The following VPS50 variants were observed in gnomAD, a reference collection of about 807,000 sequenced individuals.
VPS50 encodes the protein syndetin.
In VPS50, 70 loss-of-function variants were observed where a neutral mutation model predicts 139.7. The observed-to-expected ratio is 0.50, with a 90% CI of 0.41 to 0.61. VPS50 has a LOEUF of 0.61. VPS50 is among the 20% of genes least tolerant of loss of function. VPS50 has a pLI of 0.00. For missense variants in VPS50, 921 were observed against 1,133.7 expected, an observed-to-expected ratio of 0.81 and a Z score of 2.69; for synonymous variants, 365 against 376.7, an observed-to-expected ratio of 0.97 and a Z score of 0.36.
Position 93,270,142 on chromosome 7 carries a change from G to C in VPS50, c.660-1078G>C, listed in dbSNP as rs888668144. 2.7e-5 allele frequency among the ~76,000 whole-genome samples: 4 copies of C among 150,290 alleles called. 1 individual carries two copies. In the East Asian group the frequency reaches 7.8e-4, roughly 29 times the overall value. Reference sequence around the variant, plus strand: ...TTGATTTTTTTTTTTTACTGACCTCGTAAGAATTAAAGGGGGAAAAATCTA... The same window carrying C: ...TTGATTTTTTTTTTTTACTGACCTCCTAAGAATTAAAGGGGGAAAAATCTA... On this transcript the variant is annotated intron_variant, in intron 9 of 27. Transcript: ENST00000305866.
At chr7:93,271,093 C>T (rs920659743) in intron 9 of VPS50, 127 bp from the exon 10 acceptor site, 6 of 1,359,978 alleles carry the variant, frequency 4.4e-6, no homozygotes, top group Non-Finnish European at 3.8e-6. Flanking sequence ...TAGAATTCAG[C>T]AGCATGTCTT....
chr7:93,348,836 A>G (rs764150182), intron 24 of VPS50, 29 bp downstream of exon 24: 1 of 1,410,770 alleles, frequency 7.1e-7, no homozygotes, highest in Non-Finnish European at 1.0e-6. Context: ...TGTCATTTCA[A>G]CTGTGAGGAA....
intron 12 of VPS50, among the ~76,000 whole-genome samples, chr7:93,290,788 G>A (rs1380259737): frequency 1.3e-5 from 2 of 151,962 alleles, no homozygotes; most frequent in Non-Finnish European, 2.9e-5. Context: ...TGAGTTTAGA[G>A]GGAGAGATCA....
intron 12 of VPS50, among the ~76,000 whole-genome samples, chr7:93,282,136 GGAGCTTGCCGTGAGCT>G: frequency 6.6e-6 from 1 of 151,994 alleles, no homozygotes; most frequent in Non-Finnish European, 1.5e-5. Context: ...CCCTGGAGGC[GGAGCTTGCCGTGAGCT>G]GAGATTGCGC....
chr7:93,270,466 G>T (rs2116878422), intron 9 of VPS50, among the ~76,000 whole-genome samples: 1 of 151,980 alleles, frequency 6.6e-6, no homozygotes, highest in African/African-American at 2.4e-5. Flanking sequence ...ATTGCTATAG[G>T]ATTTTATTTT....
intron 16 of VPS50, among the ~76,000 whole-genome samples, chr7:93,300,796 A>G (rs1196381215): frequency 2.0e-5 from 3 of 151,688 alleles, no homozygotes; most frequent in Non-Finnish European, 2.9e-5. Context: ...AACTGAGAAA[A>G]ATATATATAA....
At chr7:93,356,422 C>T (rs983407480) in intron 27 of VPS50, among the ~76,000 whole-genome samples, 1 of 152,080 alleles carries the variant, frequency 6.6e-6, no homozygotes, top group East Asian at 1.9e-4. Context: ...AATACAGAAA[C>T]AATGAAATGA....
chr7:93,333,477 C>G (rs193020577), intron 21 of VPS50, among the ~76,000 whole-genome samples: 2 of 152,206 alleles, frequency 1.3e-5, no homozygotes, highest in East Asian at 3.9e-4. Flanking sequence ...ATGATTACCT[C>G]TAAATTAAAT....
At chr7:93,309,060 C>A in intron 19 of VPS50, 118 bp downstream of exon 19, 3 of 462,296 alleles carry the variant, frequency 6.5e-6, no homozygotes, top group Non-Finnish European at 7.7e-6. Flanking sequence ...ATAATGTCAC[C>A]TGACAGAAGT....
intron 23 of VPS50, among the ~76,000 whole-genome samples, chr7:93,347,120 A>G (rs569397231): frequency 2.0e-5 from 3 of 148,676 alleles, no homozygotes; most frequent in Non-Finnish European, 4.4e-5. Context: ...AACTCAAACA[A>G]GTTTGCAAGA....
chr7:93,305,486 T>G (rs1797088876), intron 17 of VPS50, among the ~76,000 whole-genome samples: 1 of 151,908 alleles, frequency 6.6e-6, no homozygotes. Flanking sequence ...CTTTATTGAT[T>G]AGGATTTTTG....
chr7:93,242,545 A>G (rs1462114806), intron 2 of VPS50, among the ~76,000 whole-genome samples: 1 of 151,930 alleles, frequency 6.6e-6, no homozygotes, highest in Non-Finnish European at 1.5e-5. Context: ...CAAGGTACCC[A>G]TTAGTTTTGC....
chr7:93,323,588 T>A, intron 20 of VPS50, 23 bp from the exon 21 acceptor site: 1 of 1,106,016 alleles, frequency 9.0e-7, no homozygotes, highest in Non-Finnish European at 1.2e-6. Context: ...TCTGCTTAAT[T>A]TTTTATTCTT....
intron 20 of VPS50, among the ~76,000 whole-genome samples, chr7:93,315,305 C>G (rs1797393058): frequency 6.6e-6 from 1 of 152,152 alleles, no homozygotes; most frequent in African/African-American, 2.4e-5. Flanking sequence ...ACATCTTCTA[C>G]TTTTCAACAT....
Position 93,355,921 on chromosome 7 carries a change from G to A in VPS50, c.2616G>A (p.Glu872=). The change falls in exon 27 of 28, where the codon GAG becomes GAA. Residue 872 remains glutamate, a synonymous_variant. Coordinates refer to ENST00000305866, the MANE Select transcript of VPS50 (RefSeq NM_017667.4). ...CCAATGTCAAGAAATGCAGTAATGA[G>A]GGTCGTGCCCTGATGCAATTGGATT... The part of the protein sequence containing the change: ...GYANVKKCSN[E]GRALMQLDFQ... 1 of 1,594,380 alleles carries A rather than the reference G, an allele frequency of 6.3e-7. No individual in the cohort carries two copies. Among genetic ancestry groups the A allele is most frequent in the Non-Finnish European group, 8.6e-7 (1 of 1,166,482 alleles).
intron 16 of VPS50, among the ~76,000 whole-genome samples, chr7:93,301,234 T>A (rs1584444882): frequency 6.6e-6 from 1 of 151,666 alleles, no homozygotes; most frequent in African/African-American, 2.4e-5. Context: ...GCGGCAGAGG[T>A]TGCAGTGAGC....
intron 12 of VPS50, among the ~76,000 whole-genome samples, chr7:93,280,308 T>A (rs1796285441): frequency 6.6e-6 from 1 of 152,172 alleles, no homozygotes; most frequent in African/African-American, 2.4e-5. Flanking sequence ...GGTTTACTGC[T>A]TTTACACTAG....
chr7:93,246,526 T>C (rs1035074632), intron 2 of VPS50, among the ~76,000 whole-genome samples: 1 of 151,890 alleles, frequency 6.6e-6, no homozygotes, highest in Non-Finnish European at 1.5e-5. Context: ...AAACTAGTAC[T>C]GAAGATTATG....
Position 93,258,974 on chromosome 7 carries a change from T to G in VPS50, c.577-576T>G, listed in dbSNP as rs1795581676. 3.3e-5 allele frequency among the ~76,000 whole-genome samples: 5 copies of G among 152,202 alleles called. No homozygotes were observed. In the South Asian group the frequency reaches 1.0e-3, roughly 31 times the overall value. Reference sequence around the variant, plus strand: ...ATAGGGAAAAGTTTTTGTGGTTTTCTGTATAATTGTTTTATTACTTCTCAA... The same window carrying G: ...ATAGGGAAAAGTTTTTGTGGTTTTCGGTATAATTGTTTTATTACTTCTCAA... On this transcript the variant is annotated intron_variant, in intron 8 of 27. Coordinates refer to ENST00000305866, the MANE Select transcript of VPS50 (RefSeq NM_017667.4).
Sources: gnomAD v4.1 joint callset for allele counts (sites outside exome capture counted in the v4.1 genomes callset) on GRCh38, gnomAD v4.1.1 for gene constraint, MANE v1.5 for transcripts, NCBI Gene and HGNC (gene_info 2026-07-23, HGNC 2026-07-21) for gene names.